Variants in CACNA2D3 observed in about 807,000 individuals in gnomAD.
CACNA2D3 encodes the protein calcium voltage-gated channel auxiliary subunit alpha2delta 3, also known as voltage-dependent calcium channel subunit alpha-2/delta-3.
Under a neutral mutation model 160.6 loss-of-function variants are expected in CACNA2D3, and 60 were observed. The ratio of observed to expected loss-of-function variants is 0.37; its 90% CI spans 0.30 to 0.46. The LOEUF is 0.46. CACNA2D3 is among the 20% of genes least tolerant of loss of function. The probability of loss-of-function intolerance (pLI) is 1.00; values close to 1 mark genes in which losing one functional copy is unlikely to be tolerated. For synonymous variants in CACNA2D3, 558 were observed against 492.9 expected (o/e 1.13, Z -1.75); for missense variants, 1,205 against 1,365.0 (o/e 0.88, Z 1.85).
intron 9 of CACNA2D3, among the ~76,000 whole-genome samples, chr3:54,618,161 G>A (rs1305496555): frequency 6.6e-6 from 1 of 151,502 alleles, no homozygotes; most frequent in Non-Finnish European, 1.5e-5. Context: ...ACTCTGCATG[G>A]TATAAATGAA....
intron 29 of CACNA2D3, among the ~76,000 whole-genome samples, chr3:54,972,601 C>T (rs933522278): frequency 3.9e-5 from 6 of 152,214 alleles, no homozygotes; most frequent in Admixed American, 6.5e-5. Flanking sequence ...CTCCCTCGGG[C>T]TTATCAGACA....
At chr3:54,804,082 T>C (rs1406467075) in intron 13 of CACNA2D3, among the ~76,000 whole-genome samples, 2 of 151,996 alleles carry the variant, frequency 1.3e-5, no homozygotes, top group African/African-American at 2.4e-5. Flanking sequence ...GAACAACTGG[T>C]ACCAGCCACT....
intron 4 of CACNA2D3, among the ~76,000 whole-genome samples, chr3:54,472,790 C>T (rs1250827577): frequency 6.6e-6 from 1 of 152,042 alleles, no homozygotes; most frequent in East Asian, 1.9e-4. Flanking sequence ...TTCACAATTG[C>T]TACAAAGAGA....
chr3:54,159,117 G>T (rs941230178), intron 2 of CACNA2D3, among the ~76,000 whole-genome samples: 1 of 151,982 alleles, frequency 6.6e-6, no homozygotes, highest in Non-Finnish European at 1.5e-5. Context: ...TGTTTGCCTG[G>T]ATCATTTATT....
At chr3:54,894,942 C>T (rs1282889413) in intron 25 of CACNA2D3, among the ~76,000 whole-genome samples, 1 of 151,514 alleles carries the variant, frequency 6.6e-6, no homozygotes, top group Non-Finnish European at 1.5e-5. Flanking sequence ...CAGTCTTGCA[C>T]ATGACTCCAA....
At position 54,466,450 on chromosome 3, in the gene CACNA2D3, G is replaced by A. The variant is rs150915123; in HGVS notation, c.382-37042G>A. 6.3e-3 allele frequency among the ~76,000 whole-genome samples: 956 copies of A among 152,248 alleles called. 2 individuals are homozygous for A. The highest frequency in any genetic ancestry group is 0.017 in the Middle Eastern group (5 of 294). ...TAACAGAGAAAAGGAAAACAAAACA[G>A]TAATTATGCTGATGTTGTTGCCTTT... is the stretch of plus-strand genomic sequence containing the variant. On this transcript the variant is annotated intron_variant, in intron 4 of 37. Coordinates refer to ENST00000474759, the MANE Select transcript of CACNA2D3 (RefSeq NM_018398.3).
At chr3:54,488,668 A>C (rs778410933) in intron 4 of CACNA2D3, among the ~76,000 whole-genome samples, 1 of 152,036 alleles carries the variant, frequency 6.6e-6, no homozygotes, top group Non-Finnish European at 1.5e-5. Flanking sequence ...CTTTCTTCGC[A>C]TTCCTTCAAC....
At chr3:54,515,174 CTGTGTG>C (rs34453702) in intron 5 of CACNA2D3, among the ~76,000 whole-genome samples, 1 of 134,328 alleles carries the variant, frequency 7.4e-6, no homozygotes, top group African/African-American at 2.9e-5. Context: ...GTGTGTGTGT[CTGTGTG>C]TGTGTGTGTG....
intron 11 of CACNA2D3, among the ~76,000 whole-genome samples, chr3:54,732,434 G>A (rs925263820): frequency 1.3e-5 from 2 of 152,286 alleles, no homozygotes; most frequent in East Asian, 1.9e-4. Context: ...GACAAGACAC[G>A]GGTCTGGGGT....
At chr3:54,779,477 C>T (rs1046086520) in intron 13 of CACNA2D3, among the ~76,000 whole-genome samples, 2 of 152,142 alleles carry the variant, frequency 1.3e-5, no homozygotes, top group African/African-American at 2.4e-5. Flanking sequence ...TCAGGAAATC[C>T]TTGAAAATAA....
intron 4 of CACNA2D3, among the ~76,000 whole-genome samples, chr3:54,461,800 A>G (rs1446667037): frequency 1.3e-5 from 2 of 151,342 alleles, no homozygotes; most frequent in African/African-American, 2.4e-5. Context: ...GATTTTAGTT[A>G]TTTCTTGCCT....
At chr3:54,468,852 G>A (rs529941757) in intron 4 of CACNA2D3, among the ~76,000 whole-genome samples, 18 of 152,292 alleles carry the variant, frequency 1.2e-4, no homozygotes, top group Non-Finnish European at 2.1e-4. Context: ...GCTCAGCAAA[G>A]CCACTGTAGC....
intron 5 of CACNA2D3, among the ~76,000 whole-genome samples, chr3:54,517,614 A>G (rs1275351685): frequency 6.6e-6 from 1 of 152,174 alleles, no homozygotes; most frequent in Non-Finnish European, 1.5e-5. Flanking sequence ...CAACTACAAT[A>G]TAACGTGGTT....
intron 5 of CACNA2D3, among the ~76,000 whole-genome samples, chr3:54,541,103 C>G (rs1049135393): frequency 3.3e-5 from 5 of 151,572 alleles, no homozygotes; most frequent in South Asian, 2.1e-4. Flanking sequence ...TGGTGAAACC[C>G]CATCTCTACT....
intron 13 of CACNA2D3, among the ~76,000 whole-genome samples, chr3:54,795,053 T>C (rs570035818): frequency 2.0e-4 from 31 of 152,256 alleles, no homozygotes; most frequent in African/African-American, 6.7e-4. Flanking sequence ...CTTGATATTA[T>C]CCTACTGGTT....
intron 11 of CACNA2D3, among the ~76,000 whole-genome samples, chr3:54,690,512 A>G (rs1184926778): frequency 2.6e-5 from 4 of 152,146 alleles, no homozygotes; most frequent in Non-Finnish European, 4.4e-5. Flanking sequence ...CATCATCATC[A>G]TTACTTTTAT....
chr3:54,593,397 G>C (rs1160448728), intron 9 of CACNA2D3, among the ~76,000 whole-genome samples: 1 of 151,830 alleles, frequency 6.6e-6, no homozygotes, highest in Non-Finnish European at 1.5e-5. Flanking sequence ...AAGAAGGAGA[G>C]GGGAGGACAG....
At chr3:55,021,633 ATATATATATATGTG>A (rs1360935571) in intron 35 of CACNA2D3, among the ~76,000 whole-genome samples, 25 of 132,454 alleles carry the variant, frequency 1.9e-4, no homozygotes, top group Non-Finnish European at 3.8e-4. Context: ...GTGTATATAT[ATATATATATATGTG>A]TATATATATA....
intron 2 of CACNA2D3, among the ~76,000 whole-genome samples, chr3:54,192,117 T>C (rs1344233758): frequency 7.9e-5 from 12 of 152,114 alleles, no homozygotes; most frequent in Non-Finnish European, 1.8e-4. Context: ...TTTTTTTTTT[T>C]TTTCTTTTTA....
Sources: allele counts gnomAD v4.1 joint callset (sites outside exome capture counted in the v4.1 genomes callset), GRCh38; gene constraint gnomAD v4.1.1; transcripts MANE v1.5; gene names NCBI Gene and HGNC (gene_info 2026-07-23, HGNC 2026-07-21).